The following FAAH2 variants were observed in gnomAD, a reference collection of about 807,000 sequenced individuals.
The protein encoded by FAAH2 is fatty acid amide hydrolase 2.
Under a neutral mutation model 36.9 loss-of-function variants are expected in FAAH2, and 60 were observed. The observed-to-expected ratio is 1.63, with a 90% CI of 1.32 to 2.02. The LOEUF (loss-of-function observed/expected upper bound fraction) is 2.02, where lower values mean the gene tolerates loss of function less well. Ranked by LOEUF, FAAH2 falls within the 30% of genes most tolerant of loss-of-function variation. The pLI is 0.00. For synonymous variants in FAAH2, 214 were observed against 143.8 expected (o/e 1.49, Z -3.49); for missense variants, 689 against 397.5 (o/e 1.73, Z -6.23).
intron 8 of FAAH2, among the ~76,000 whole-genome samples, chrX:57,434,397 C>T (rs2056367714): frequency 9.1e-6 from 1 of 109,532 alleles, no homozygotes; most frequent in Admixed American, 9.9e-5. Flanking sequence ...ATTTGTAAAG[C>T]AATACAAATA....
the FAAH2 span, among the ~76,000 whole-genome samples, chrX:57,172,881 G>T: frequency 9.0e-6 from 1 of 111,675 alleles, no homozygotes; most frequent in Non-Finnish European, 1.9e-5. Flanking sequence ...TCCTCTCGAC[G>T]TCCAGCCACC....
chrX:57,451,104 C>T (rs182289603), intron 10 of FAAH2, among the ~76,000 whole-genome samples: 10 of 111,584 alleles, frequency 9.0e-5, no homozygotes, highest in Non-Finnish European at 1.7e-4. Flanking sequence ...AGTCACATAG[C>T]TAAGATAATA....
At chrX:57,125,611 A>T in the FAAH2 span, among the ~76,000 whole-genome samples, 1 of 111,685 alleles carries the variant, frequency 9.0e-6, no homozygotes, top group East Asian at 2.8e-4. Context: ...TTCTCCTCCT[A>T]TCTCAGCTAG....
chrX:57,354,770 A>G (rs936228843), intron 5 of FAAH2, among the ~76,000 whole-genome samples: 1 of 110,871 alleles, frequency 9.0e-6, no homozygotes, highest in African/African-American at 3.3e-5. Flanking sequence ...TTTTTTGCTA[A>G]TGAGATTCTA....
chrX:57,268,236 G>A, the FAAH2 span, among the ~76,000 whole-genome samples: 1 of 111,207 alleles, frequency 9.0e-6, no homozygotes, highest in African/African-American at 3.3e-5. Flanking sequence ...TAGACCAAGT[G>A]GAGAAAAAAA....
At chrX:57,204,183 C>T in the FAAH2 span, among the ~76,000 whole-genome samples, 24 of 111,162 alleles carry the variant, frequency 2.2e-4, no homozygotes, top group African/African-American at 4.3e-4. Context: ...CAAACAAGTA[C>T]GCTCATTATT....
rs1478160637 is a variant in FAAH2 at position 57,339,379 on chromosome X, A to G, written c.623-1892A>G. ...GCAAACATTTCATGATGAAAACACC[A>G]AAAGCATTTGCAACAAAAGCAAAAA... On this transcript the variant is annotated intron_variant, in intron 4 of 10. Coordinates refer to ENST00000374900, the MANE Select transcript of FAAH2 (RefSeq NM_174912.4). Among the ~76,000 whole-genome samples, 3 of 112,292 alleles carry G rather than the reference A, an allele frequency of 2.7e-5. No homozygotes were observed. The Admixed American group carries it at 2.8e-4, about 11-fold the overall frequency.
chrX:57,160,535 G>T, the FAAH2 span, among the ~76,000 whole-genome samples: 11 of 111,834 alleles, frequency 9.8e-5, no homozygotes, highest in Admixed American at 1.9e-4. Flanking sequence ...ATTGTTCTAT[G>T]CAGAGATTCA....
intron 10 of FAAH2, among the ~76,000 whole-genome samples, chrX:57,472,141 T>G (rs1435583718): frequency 3.6e-5 from 4 of 111,752 alleles, no homozygotes; most frequent in Non-Finnish European, 7.5e-5. Context: ...ATAGAAAGCT[T>G]AGAAGAAAAC....
In FAAH2 at chrX:57,486,148, G is replaced by A. The variant is rs191488685; in HGVS notation, c.1424-2609G>A. ...CCCAGTAAAACAGTACTGCTGTTTGGAATCTGTAGTCAGTCAGGGCCATGT... is the reference window on the plus strand; with the variant it reads ...CCCAGTAAAACAGTACTGCTGTTTGAAATCTGTAGTCAGTCAGGGCCATGT... On this transcript the variant is annotated intron_variant, in intron 10 of 10. Coordinates refer to ENST00000374900, the MANE Select transcript of FAAH2 (RefSeq NM_174912.4). Among the ~76,000 whole-genome samples, 602 of 112,014 alleles carry A rather than the reference G, an allele frequency of 5.4e-3. 3 individuals are homozygous for A. The highest frequency in any genetic ancestry group is 0.018 in the African/African-American group (566 of 30,859).
rs1333233335 is a variant in FAAH2 at position 57,448,569 on chromosome X, AC to A, written c.1276del (p.Gln426LysfsTer18). On this transcript the variant is annotated frameshift_variant, in exon 10 of 11. Coordinates refer to ENST00000374900, the MANE Select transcript of FAAH2 (RefSeq NM_174912.4). LOFTEE classifies it high-confidence loss of function. Reference sequence around the variant, plus strand: ...AAGCTCAGATATAGCAATGAGAAATACCAAAAGTTTAAGGCAGTGGAAGAAA... The same window carrying A: ...AAGCTCAGATATAGCAATGAGAAATACAAAAGTTTAAGGCAGTGGAAGAAA... ...EEKLRYSNEKYQKFKAVEESL... is the reference protein window; with the variant it reads ...EEKLRYSNEKXQKFKAVEESL... The A allele has an allele frequency of 8.3e-7, 1 of 1,209,806 alleles. No homozygotes were observed. The highest frequency in any genetic ancestry group is 1.1e-6 in the Non-Finnish European group (1 of 895,188).
intron 5 of FAAH2, among the ~76,000 whole-genome samples, chrX:57,344,162 T>C (rs1255809025): frequency 1.8e-5 from 2 of 110,248 alleles, no homozygotes; most frequent in East Asian, 5.7e-4. Flanking sequence ...TAACAGTATT[T>C]CGATAGGGAT....
the FAAH2 span, among the ~76,000 whole-genome samples, chrX:57,187,327 A>G: frequency 6.3e-5 from 7 of 110,490 alleles, no homozygotes; most frequent in Admixed American, 9.7e-5. Context: ...CTTTGTAGCA[A>G]TTGTGAATGG....
intron 7 of FAAH2, among the ~76,000 whole-genome samples, chrX:57,411,874 G>A (rs1357060466): frequency 2.7e-5 from 3 of 111,454 alleles, no homozygotes; most frequent in Admixed American, 1.9e-4. Context: ...ACCTAGAATC[G>A]AAAGCTCCCA....
At chrX:57,322,253 G>A in intron 3 of FAAH2, among the ~76,000 whole-genome samples, 1 of 111,671 alleles carries the variant, frequency 9.0e-6, no homozygotes, top group Non-Finnish European at 1.9e-5. Context: ...GCCTCCCAAA[G>A]TGCTGGGATT....
chrX:57,342,510 A>C (rs772359007), intron 5 of FAAH2, among the ~76,000 whole-genome samples: 16 of 111,818 alleles, frequency 1.4e-4, no homozygotes, highest in Admixed American at 4.8e-4. Context: ...ATGTACCCCT[A>C]AACTTAAAAG....
At chrX:57,424,341 G>A (rs1176117078) in intron 7 of FAAH2, among the ~76,000 whole-genome samples, 1 of 111,658 alleles carries the variant, frequency 9.0e-6, no homozygotes. Flanking sequence ...TTGAGGCACA[G>A]GAGATCTTCT....
chrX:57,216,572 G>A, the FAAH2 span, among the ~76,000 whole-genome samples: 1,252 of 12,690 alleles, frequency 0.099, 119 homozygotes, highest in African/African-American at 0.23. Flanking sequence ...ATACGTATAT[G>A]TATATATATG....
At chrX:57,180,600 G>T in the FAAH2 span, among the ~76,000 whole-genome samples, 1 of 110,837 alleles carries the variant, frequency 9.0e-6, no homozygotes, top group East Asian at 2.8e-4. Flanking sequence ...ACAATAAAGA[G>T]CTCCAAAATT....
Sources: allele counts gnomAD v4.1 joint callset (sites outside exome capture counted in the v4.1 genomes callset), GRCh38; gene constraint gnomAD v4.1.1; transcripts MANE v1.5; gene names NCBI Gene and HGNC (gene_info 2026-07-23, HGNC 2026-07-21).